GRID1: variants seen among roughly 807,000 people sequenced by gnomAD.
GRID1 encodes the protein glutamate ionotropic receptor delta type subunit 1.
Under a neutral mutation model 98.0 loss-of-function variants are expected in GRID1, and 28 were observed. That is an observed-to-expected ratio of 0.29 (90% CI 0.21 to 0.39). The LOEUF is 0.39. GRID1 is among the 10% of genes least tolerant of loss of function. The probability of loss-of-function intolerance (pLI) is 1.00; values close to 1 mark genes in which losing one functional copy is unlikely to be tolerated. For synonymous variants in GRID1, 553 were observed against 538.5 expected, an observed-to-expected ratio of 1.03 and a Z score of -0.37; for missense variants, 1,111 against 1,340.5, an observed-to-expected ratio of 0.83 and a Z score of 2.67.
chr10:85,746,203 G>C (rs544152360), intron 8 of GRID1, among the ~76,000 whole-genome samples: 2 of 152,298 alleles, frequency 1.3e-5, no homozygotes, highest in East Asian at 1.9e-4. Flanking sequence ...AGCTTCATCT[G>C]TACCTCAACC....
intron 5 of GRID1, among the ~76,000 whole-genome samples, chr10:85,896,218 T>A (rs2131812649): frequency 6.6e-6 from 1 of 152,326 alleles, no homozygotes; most frequent in East Asian, 1.9e-4. Context: ...GTTCTGTCAC[T>A]TTAAGTTGCA....
At chr10:86,250,709 C>T (rs1286063227) in intron 2 of GRID1, among the ~76,000 whole-genome samples, 3 of 151,506 alleles carry the variant, frequency 2.0e-5, no homozygotes, top group African/African-American at 4.9e-5. Context: ...GCCCAGCCGC[C>T]GCCCCGTCTG....
chr10:86,292,746 T>G (rs1044375566), intron 2 of GRID1, among the ~76,000 whole-genome samples: 3 of 151,812 alleles, frequency 2.0e-5, no homozygotes, highest in African/African-American at 7.3e-5. Flanking sequence ...GGTGTGAGTG[T>G]CGGGAGTGGG....
At chr10:86,006,887 C>T (rs7900109) in intron 4 of GRID1, among the ~76,000 whole-genome samples, 12,373 of 151,280 alleles carry the variant, frequency 0.082, 545 homozygotes, top group East Asian at 0.15. Flanking sequence ...ATGTAGGAGG[C>T]AGGGGAAGCT....
At chr10:86,236,357 G>A (rs1287756787) in intron 2 of GRID1, among the ~76,000 whole-genome samples, 2 of 152,156 alleles carry the variant, frequency 1.3e-5, no homozygotes, top group Non-Finnish European at 2.9e-5. Flanking sequence ...GTCTTCACCT[G>A]CAAGTTGAAG....
intron 8 of GRID1, among the ~76,000 whole-genome samples, chr10:85,842,474 T>C (rs1400179548): frequency 6.6e-6 from 1 of 151,754 alleles, no homozygotes; most frequent in African/African-American, 2.4e-5. Flanking sequence ...AAAATAAAAA[T>C]TTAAAAAATC....
At chr10:86,017,422 C>T (rs138992006) in intron 4 of GRID1, among the ~76,000 whole-genome samples, 4,651 of 152,292 alleles carry the variant, frequency 0.031, 221 homozygotes, top group African/African-American at 0.1. Context: ...GACCCCACCC[C>T]AGTAAGTGCT....
chr10:85,881,426 A>ATG (rs1289470267), intron 5 of GRID1, among the ~76,000 whole-genome samples: 27 of 152,312 alleles, frequency 1.8e-4, no homozygotes, highest in African/African-American at 6.3e-4. Flanking sequence ...CAAAACAGAG[A>ATG]TAGCGATCAA....
intron 2 of GRID1, among the ~76,000 whole-genome samples, chr10:86,311,091 T>G (rs774579841): frequency 2.0e-5 from 3 of 152,144 alleles, no homozygotes; most frequent in Non-Finnish European, 4.4e-5. Context: ...TGATATTTTC[T>G]GAGACTCTCC....
intron 2 of GRID1, among the ~76,000 whole-genome samples, chr10:86,282,292 T>G (rs1847367806): frequency 6.6e-6 from 1 of 152,166 alleles, no homozygotes; most frequent in Non-Finnish European, 1.5e-5. Context: ...CCTGGGTGAC[T>G]TGGGCAAATC....
chr10:85,870,010 T>A (rs905671704), intron 5 of GRID1, among the ~76,000 whole-genome samples: 5 of 152,146 alleles, frequency 3.3e-5, no homozygotes, highest in Non-Finnish European at 4.4e-5. Context: ...CTTGTGATGG[T>A]TAATATTGAG....
intron 4 of GRID1, among the ~76,000 whole-genome samples, chr10:86,005,879 T>G (rs770372963): frequency 6.6e-6 from 1 of 152,190 alleles, no homozygotes; most frequent in Non-Finnish European, 1.5e-5. Flanking sequence ...ATATATAACA[T>G]ACTTGTGGAT....
chr10:85,649,247 GC>G (rs1387766201), intron 12 of GRID1, among the ~76,000 whole-genome samples: 1 of 152,146 alleles, frequency 6.6e-6, no homozygotes, highest in African/African-American at 2.4e-5. Context: ...GCCTCCCCTT[GC>G]TTCGGAGACA....
At chr10:85,852,207 G>A (rs1475268191) in intron 8 of GRID1, among the ~76,000 whole-genome samples, 1 of 152,132 alleles carries the variant, frequency 6.6e-6, no homozygotes, top group African/African-American at 2.4e-5. Flanking sequence ...GTTATTAAGG[G>A]CAGATTTTAA....
At chr10:86,323,720 G>A (rs1024770278) in intron 2 of GRID1, among the ~76,000 whole-genome samples, 1 of 152,176 alleles carries the variant, frequency 6.6e-6, no homozygotes, top group Admixed American at 6.5e-5. Context: ...TTAGGTAGTG[G>A]CAATGGTTGC....
chr10:85,901,066 T>C (rs1161438126), intron 5 of GRID1, among the ~76,000 whole-genome samples: 1 of 152,132 alleles, frequency 6.6e-6, no homozygotes, highest in Non-Finnish European at 1.5e-5. Flanking sequence ...GAACTATAAA[T>C]GCTGCGACGC....
At chr10:86,069,091 G>C (rs1843760155) in intron 4 of GRID1, among the ~76,000 whole-genome samples, 1 of 152,012 alleles carries the variant, frequency 6.6e-6, no homozygotes, top group African/African-American at 2.4e-5. Context: ...AGGTTGGGAG[G>C]ACTGAGGATG....
chr10:85,862,123 G>A (rs1267740446), intron 6 of GRID1, among the ~76,000 whole-genome samples: 1 of 152,122 alleles, frequency 6.6e-6, no homozygotes, highest in Non-Finnish European at 1.5e-5. Flanking sequence ...GCTCTCTCAG[G>A]CCTCTGAGCC....
intron 8 of GRID1, among the ~76,000 whole-genome samples, chr10:85,733,841 G>A (rs181139931): frequency 1.4e-3 from 219 of 152,198 alleles, no homozygotes; most frequent in African/African-American, 5.0e-3. Context: ...GAGAAGACAC[G>A]TTAAAATGTG....
Sources: gnomAD v4.1 joint callset for allele counts (sites outside exome capture counted in the v4.1 genomes callset) on GRCh38, gnomAD v4.1.1 for gene constraint, MANE v1.5 for transcripts, NCBI Gene and HGNC (gene_info 2026-07-23, HGNC 2026-07-21) for gene names.